The following CAPN14 variants were observed in gnomAD, a reference collection of about 807,000 sequenced individuals.
The protein encoded by CAPN14 is calpain-14.
In CAPN14, 94 loss-of-function variants were observed where a neutral mutation model predicts 101.3. That is an observed-to-expected ratio of 0.93 (90% confidence interval 0.79 to 1.10). The LOEUF (loss-of-function observed/expected upper bound fraction) is 1.10. CAPN14 is among the 50% of genes least tolerant of loss of function. The pLI, the probability that CAPN14 is intolerant of heterozygous loss-of-function variation, is 0.00. For synonymous variants in CAPN14, 338 were observed against 317.9 expected (o/e 1.06, Z -0.67); for missense variants, 837 against 828.4 (o/e 1.01, Z -0.13).
chr2:31,205,233 T>C lies in CAPN14; in HGVS notation c.215A>G (p.Lys72Arg). ...LQKLPPRLQW[K>R]RPPELHSNPQ... Reference sequence around the variant, plus strand: ...CACATTTTGCCTCACCGGGGGCCTCTTCCACTGCAGGCGGGGTGGCAGCTT... The same window carrying C: ...CACATTTTGCCTCACCGGGGGCCTCCTCCACTGCAGGCGGGGTGGCAGCTT... The change falls in exon 2 of 22, where the codon AAG becomes AGG. Residue 72 changes from lysine (K) to arginine (R), a missense_variant. Lys to Arg is a conservative substitution (Grantham distance 26). Coordinates refer to ENST00000403897, the MANE Select transcript of CAPN14 (RefSeq NM_001145122.2). 6.5e-7 allele frequency: 1 copy of C among 1,549,640 alleles called. No individual in the cohort carries two copies. Among genetic ancestry groups the C allele is most frequent in the Non-Finnish European group, 8.7e-7 (1 of 1,146,876 alleles).
intron 12 of CAPN14, among the ~76,000 whole-genome samples, chr2:31,190,716 A>G (rs1681136914): frequency 6.6e-6 from 1 of 152,240 alleles, no homozygotes; most frequent in Non-Finnish European, 1.5e-5. Flanking sequence ...CCTGTGAGAG[A>G]AACAACAAAC....
chr2:31,207,692 G>C (rs1018985397), intron 1 of CAPN14, among the ~76,000 whole-genome samples: 20 of 152,166 alleles, frequency 1.3e-4, no homozygotes, highest in African/African-American at 4.8e-4. Flanking sequence ...ACTTGAGCCG[G>C]GAGGTAGAGT....
chr2:31,192,065 G>A lies in CAPN14; in HGVS notation c.1148C>T (p.Ser383Phe). Residue 383 changes from serine (S) to phenylalanine (F), a missense_variant, in exon 11 of 22, where the codon TCT becomes TTT. Ser to Phe is a radical substitution (Grantham distance 155). Transcript: ENST00000403897. The stretch of plus-strand genomic sequence containing the variant: ...CCTGCCCTCCTCGGGCCTCCAGACA[G>A]ACAGCAGGAACTGCGGGTTCTTCCA... ...TFWKNPQFLL[S>F]VWRPEEGRRS... 11 of 1,550,984 alleles carry A rather than the reference G, an allele frequency of 7.1e-6. No homozygotes were observed. Among genetic ancestry groups the A allele is most frequent in the Non-Finnish European group, 9.6e-6 (11 of 1,146,632 alleles).
At chr2:31,208,806 G>A (rs909190013) in intron 1 of CAPN14, among the ~76,000 whole-genome samples, 1 of 152,166 alleles carries the variant, frequency 6.6e-6, no homozygotes, top group Non-Finnish European at 1.5e-5. Context: ...CAGCGTTGGA[G>A]CAGGTCCACA....
chr2:31,199,315 T>A lies in CAPN14; in HGVS notation c.789+155A>T, dbSNP rs542139643. 3.9e-5 allele frequency among the ~76,000 whole-genome samples: 6 copies of A among 152,184 alleles called. No homozygotes were observed. In the South Asian group the frequency reaches 6.2e-4, roughly 16 times the overall value. On this transcript the variant is annotated intron_variant, in intron 7 of 21. Coordinates refer to ENST00000403897, the MANE Select transcript of CAPN14 (RefSeq NM_001145122.2). The stretch of plus-strand genomic sequence containing the variant: ...TGGTGGCAAAGCCTGGACCCACCAC[T>A]TCACCGCAGGAAATAGATGCCGAGG...
At chr2:31,186,388 A>C in intron 16 of CAPN14, 40 bp downstream of exon 16, 3 of 1,439,490 alleles carry the variant, frequency 2.1e-6, no homozygotes, top group Non-Finnish European at 2.8e-6. Flanking sequence ...GAAAAGTTGC[A>C]TCCCCTCTGA....
intron 17 of CAPN14, among the ~76,000 whole-genome samples, chr2:31,180,480 T>C (rs1680536318): frequency 6.6e-6 from 1 of 152,190 alleles, no homozygotes; most frequent in South Asian, 2.1e-4. Context: ...GCATGTTGTT[T>C]AACTTCCCTG....
intron 1 of CAPN14, among the ~76,000 whole-genome samples, chr2:31,210,386 T>G (rs1330221023): frequency 1.3e-5 from 2 of 152,152 alleles, no homozygotes; most frequent in Non-Finnish European, 2.9e-5. Flanking sequence ...AGGCGGAGCT[T>G]GCAGTGAGCC....
At position 31,186,390 on chromosome 2, in the gene CAPN14, C is replaced by A. The variant is rs1171097070; in HGVS notation, c.1645+38G>T. The A allele has an allele frequency of 2.8e-6, 4 of 1,451,234 alleles. No homozygotes were observed. In the South Asian group the frequency reaches 4.0e-5, roughly 15 times the overall value. The allele number at this position is 1,451,234 out of a possible 1,614,324, so 89.9% of individuals were successfully genotyped here. ...AAGCCAGAGTTTAGAAAAGTTGCAT[C>A]CCCTCTGAGTCCTACAGAATGGCTC... On this transcript the variant is annotated intron_variant, in intron 16 of 21. Coordinates refer to ENST00000403897, the MANE Select transcript of CAPN14 (RefSeq NM_001145122.2).
At chr2:31,183,508 C>T (rs1306987225) in intron 16 of CAPN14, among the ~76,000 whole-genome samples, 1 of 151,930 alleles carries the variant, frequency 6.6e-6, no homozygotes. Flanking sequence ...CAAACAACCC[C>T]ATCAAAAAGT....
chr2:31,209,191 A>G (rs1682265133), intron 1 of CAPN14, among the ~76,000 whole-genome samples: 2 of 140,278 alleles, frequency 1.4e-5, no homozygotes, highest in African/African-American at 5.3e-5. Context: ...TGCCCAGGCT[A>G]GTCTCTAACT....
chr2:31,229,942 C>T (rs1683139327), intron 1 of CAPN14, among the ~76,000 whole-genome samples: 1 of 152,178 alleles, frequency 6.6e-6, no homozygotes, highest in Non-Finnish European at 1.5e-5. Context: ...TGCATAATAG[C>T]CTACTTCTGG....
At chr2:31,181,051 C>A (rs1411889082) in intron 16 of CAPN14, 51 bp from the exon 17 acceptor site, 2 of 1,459,934 alleles carry the variant, frequency 1.4e-6, no homozygotes, top group East Asian at 2.5e-5. Context: ...GGTCTGCACA[C>A]CCCTTTTCTG....
chr2:31,222,348 C>T (rs148749132), upstream of CAPN14, among the ~76,000 whole-genome samples: 1 of 152,250 alleles, frequency 6.6e-6, no homozygotes, highest in East Asian at 1.9e-4. Context: ...CACATAGCAA[C>T]CTTCACTTTG....
chr2:31,185,604 A>T (rs950690122), intron 16 of CAPN14, among the ~76,000 whole-genome samples: 7 of 152,132 alleles, frequency 4.6e-5, no homozygotes, highest in Non-Finnish European at 7.4e-5. Context: ...CGGGAAGGGG[A>T]GTCTTACGTT....
chr2:31,224,904 G>A (rs1682973453), intron 2 of CAPN14, among the ~76,000 whole-genome samples: 1 of 152,000 alleles, frequency 6.6e-6, no homozygotes. Flanking sequence ...TCATATTCCT[G>A]GAGGGAAAGA....
At chr2:31,178,277 T>C (rs1226464792) in intron 18 of CAPN14, among the ~76,000 whole-genome samples, 1 of 152,154 alleles carries the variant, frequency 6.6e-6, no homozygotes, top group Non-Finnish European at 1.5e-5. Context: ...AAAAAGCTTT[T>C]TGTGAGGAAA....
intron 15 of CAPN14, 29 bp from the exon 16 acceptor site, chr2:31,186,514 A>T: frequency 6.5e-7 from 1 of 1,527,566 alleles, no homozygotes; most frequent in Non-Finnish European, 8.9e-7. Context: ...GGCAAGAAAA[A>T]ATAACTGTTA....
intron 9 of CAPN14, 63 bp downstream of exon 9, chr2:31,194,346 T>G: frequency 7.9e-7 from 1 of 1,271,144 alleles, no homozygotes; most frequent in Non-Finnish European, 1.1e-6. Context: ...ATCCAATAAA[T>G]GTCTGCTGGA....
Sources: allele counts gnomAD v4.1 joint callset (sites outside exome capture counted in the v4.1 genomes callset), GRCh38; gene constraint gnomAD v4.1.1; transcripts MANE v1.5; gene names NCBI Gene and HGNC (gene_info 2026-07-23, HGNC 2026-07-21).